The following CACNA1E variants were observed in gnomAD, a reference collection of about 807,000 sequenced individuals.
CACNA1E encodes voltage-dependent R-type calcium channel subunit alpha-1E.
Under a neutral mutation model 259.2 loss-of-function variants are expected in CACNA1E, and 40 were observed. That is an observed-to-expected ratio of 0.15 (90% CI 0.12 to 0.20). The LOEUF (loss-of-function observed/expected upper bound fraction) is 0.20. Ranked by LOEUF, CACNA1E falls within the 10% of genes least tolerant of loss-of-function variation. The probability of loss-of-function intolerance (pLI) is 1.00; values close to 1 mark genes in which losing one functional copy is unlikely to be tolerated. For missense variants in CACNA1E, 1,874 were observed against 3,040.1 expected, an observed-to-expected ratio of 0.62 and a Z score of 9.02; for synonymous variants, 1,104 against 1,138.5, an observed-to-expected ratio of 0.97 and a Z score of 0.61.
At chr1:181,448,180 C>A (rs1463422039) in intron 2 of CACNA1E, among the ~76,000 whole-genome samples, 1 of 152,172 alleles carries the variant, frequency 6.6e-6, no homozygotes, top group Non-Finnish European at 1.5e-5. Flanking sequence ...CATATGATTT[C>A]TTCATTAAAC....
At chr1:181,354,156 T>TG (rs943289286) in intron 1 of CACNA1E, among the ~76,000 whole-genome samples, 41 of 152,098 alleles carry the variant, frequency 2.7e-4, no homozygotes, top group African/African-American at 9.7e-4. Flanking sequence ...TTTTTTTTTT[T>TG]TTTTTTAAAC....
chr1:181,594,919 G>A (rs915620886), intron 6 of CACNA1E, among the ~76,000 whole-genome samples: 1 of 152,192 alleles, frequency 6.6e-6, no homozygotes, highest in African/African-American at 2.4e-5. Flanking sequence ...ATCCTTTAAA[G>A]TTATGAACAT....
rs1273532442 is a variant in CACNA1E, at chr1:181,577,793, C to T, written c.540C>T (p.Phe180=). ...TCCTGGCCACTGCAGGAACCCACTTCAATACTCACGTGGACCTGAGGACCC... is the reference window on the plus strand; with the variant it reads ...TCCTGGCCACTGCAGGAACCCACTTTAATACTCACGTGGACCTGAGGACCC... ...SGILATAGTH[F]NTHVDLRTLR... is the part of the protein sequence containing the mutation. Residue 180 remains phenylalanine (F), a synonymous_variant, in exon 4 of 48, where the codon TTC becomes TTT. Transcript: ENST00000367573. The T allele has an allele frequency of 6.2e-7, 1 of 1,610,280 alleles. No homozygotes were observed. The highest frequency in any genetic ancestry group is 1.3e-5 in the African/African-American group (1 of 74,894).
At chr1:181,588,152 TG>T in intron 6 of CACNA1E, among the ~76,000 whole-genome samples, 1 of 152,350 alleles carries the variant, frequency 6.6e-6, no homozygotes, top group East Asian at 1.9e-4. Context: ...CCAGGGTGTC[TG>T]GTCCTGTTTC....
At chr1:181,325,270 C>T (rs1392184708) in intron 1 of CACNA1E, among the ~76,000 whole-genome samples, 2 of 152,156 alleles carry the variant, frequency 1.3e-5, no homozygotes, top group Non-Finnish European at 1.5e-5. Flanking sequence ...TGTGTGTGTC[C>T]CTGCCCCTCA....
chr1:181,412,781 C>T (rs181631503), intron 1 of CACNA1E, among the ~76,000 whole-genome samples: 1 of 152,306 alleles, frequency 6.6e-6, no homozygotes, highest in Non-Finnish European at 1.5e-5. Context: ...TGCAGCACCT[C>T]TAAACCTTAC....
intron 3 of CACNA1E, among the ~76,000 whole-genome samples, chr1:181,528,593 A>G (rs1667536849): frequency 6.6e-6 from 1 of 152,228 alleles, no homozygotes; most frequent in South Asian, 2.1e-4. Context: ...GGCTTTGACA[A>G]AAATGCTGAT....
chr1:181,598,363 G>A (rs1653408216), intron 6 of CACNA1E, among the ~76,000 whole-genome samples: 1 of 152,138 alleles, frequency 6.6e-6, no homozygotes, highest in South Asian at 2.1e-4. Flanking sequence ...GGGTATAAAG[G>A]CAGTGGCGGT....
At chr1:181,366,937 G>A (rs572839274) in intron 1 of CACNA1E, among the ~76,000 whole-genome samples, 8 of 152,158 alleles carry the variant, frequency 5.3e-5, no homozygotes, top group Non-Finnish European at 7.3e-5. Context: ...AAGGGGCAAT[G>A]GCATGGAGTT....
intron 3 of CACNA1E, among the ~76,000 whole-genome samples, chr1:181,564,045 C>A (rs1649579778): frequency 1.3e-5 from 2 of 152,156 alleles, no homozygotes. Flanking sequence ...CTTTTTGCTC[C>A]TGGTAGATCT....
chr1:181,579,248 C>T (rs1439016279), intron 5 of CACNA1E, 24 bp downstream of exon 5: 1 of 1,582,978 alleles, frequency 6.3e-7, no homozygotes, highest in African/African-American at 1.4e-5. Context: ...TTTCTGTCTT[C>T]TCCTTTTCCC....
chr1:181,445,980 G>T (rs2102315150), intron 2 of CACNA1E, among the ~76,000 whole-genome samples: 1 of 152,284 alleles, frequency 6.6e-6, no homozygotes, highest in Non-Finnish European at 1.5e-5. Flanking sequence ...GGAATGTAAG[G>T]GTGAATGCAT....
intron 1 of CACNA1E, among the ~76,000 whole-genome samples, chr1:181,487,873 C>G (rs918735714): frequency 1.3e-5 from 2 of 152,200 alleles, no homozygotes; most frequent in South Asian, 2.1e-4. Context: ...ATATTCCCCC[C>G]ACACCTCCAT....
chr1:181,742,083 A>C (rs1374756622), intron 25 of CACNA1E, among the ~76,000 whole-genome samples: 1 of 150,728 alleles, frequency 6.6e-6, no homozygotes, highest in African/African-American at 2.4e-5. Context: ...GCAGGTTCCC[A>C]CTCCCCCTCC....
chr1:181,798,181 G>C lies in CACNA1E; in HGVS notation c.6400-111G>C. The C allele has an allele frequency of 1.2e-6, 1 of 861,426 alleles. No homozygotes were observed. Among genetic ancestry groups the C allele is most frequent in the Non-Finnish European group, 1.8e-6 (1 of 549,024 alleles). The allele number at this position is 861,426 out of a possible 1,614,324, so 53.4% of individuals were successfully genotyped here. ...GATGTGAATACTACAGGGAGCTCCA[G>C]CTCAGGCCTCTCCCTGACAGAATTC... On this transcript the variant is annotated intron_variant, in intron 47 of 47. Coordinates refer to ENST00000367573, the MANE Select transcript of CACNA1E (RefSeq NM_001205293.3). This position sits in a 1 kb window ranked among gnomAD's most constrained non-coding sequence, Gnocchi z 4.2.
At chr1:181,337,483 A>G (rs1651804530) in intron 1 of CACNA1E, among the ~76,000 whole-genome samples, 1 of 152,158 alleles carries the variant, frequency 6.6e-6, no homozygotes, top group African/African-American at 2.4e-5. Context: ...CTATCTATAT[A>G]GCTGCAAGTT....
At chr1:181,495,864 A>G (rs1440899984) in intron 1 of CACNA1E, among the ~76,000 whole-genome samples, 1 of 152,254 alleles carries the variant, frequency 6.6e-6, no homozygotes, top group Non-Finnish European at 1.5e-5. Context: ...TTGAACATTT[A>G]CTATGTGTCA....
chr1:181,356,941 C>CA (rs1268962094), intron 1 of CACNA1E, among the ~76,000 whole-genome samples: 1 of 152,182 alleles, frequency 6.6e-6, no homozygotes, highest in African/African-American at 2.4e-5. Context: ...ACCACGGCAG[C>CA]AAAGAGGCTC....
At chr1:181,410,516 A>T (rs1478044072) in intron 1 of CACNA1E, among the ~76,000 whole-genome samples, 1 of 152,204 alleles carries the variant, frequency 6.6e-6, no homozygotes, top group Admixed American at 6.5e-5. Flanking sequence ...TTAGGGCTCC[A>T]GGGGCGTCCG....
Sources: allele counts gnomAD v4.1 joint callset (sites outside exome capture counted in the v4.1 genomes callset), GRCh38; gene constraint gnomAD v4.1.1; non-coding constraint Gnocchi (gnomAD v3.1); transcripts MANE v1.5; gene names NCBI Gene and HGNC (gene_info 2026-07-23, HGNC 2026-07-21).